RPS6KB1: variants seen among roughly 807,000 people sequenced by gnomAD.
RPS6KB1 encodes ribosomal protein S6 kinase B1.
A neutral mutation model predicts 70.2 loss-of-function variants in RPS6KB1; 12 were observed. The ratio of observed to expected loss-of-function variants is 0.17; its 90% CI spans 0.11 to 0.28. The LOEUF (loss-of-function observed/expected upper bound fraction) is 0.28. Ranked by LOEUF, RPS6KB1 falls within the 10% of genes least tolerant of loss-of-function variation. RPS6KB1 has a pLI of 1.00. For missense variants in RPS6KB1, 270 were observed against 646.6 expected (o/e 0.42, Z 6.32); for synonymous variants, 175 against 211.2 (o/e 0.83, Z 1.49).
intron 12 of RPS6KB1, among the ~76,000 whole-genome samples, chr17:59,936,975 T>G (rs912957609): frequency 7.2e-4 from 110 of 152,124 alleles, no homozygotes; most frequent in Non-Finnish European, 1.1e-3. Context: ...TTCTCCCACC[T>G]CAGCTTCCCA....
rs200758255 is a variant in RPS6KB1 at position 59,937,278 on chromosome 17, C to CT, written c.1119+744dup. On this transcript the variant is annotated intron_variant, in intron 12 of 14. Coordinates refer to ENST00000225577, the MANE Select transcript of RPS6KB1 (RefSeq NM_003161.4). ...AATATTTCAGGTAGTTGGGACTTTC[C>CT]TTTTTTTGGTTTGTTTTATTTTGCT... Among the ~76,000 whole-genome samples, 142 of 152,202 alleles carry CT rather than the reference C, an allele frequency of 9.3e-4. 1 individual carries two copies. Among genetic ancestry groups the CT allele is most frequent in the African/African-American group, 3.1e-3 (127 of 41,538 alleles).
intron 12 of RPS6KB1, among the ~76,000 whole-genome samples, chr17:59,937,802 T>G (rs1038206136): frequency 3.3e-5 from 5 of 152,206 alleles, no homozygotes; most frequent in African/African-American, 9.6e-5. Flanking sequence ...CGAAATTTTT[T>G]GGGGGTGGGT....
rs2045134900 is a variant in RPS6KB1, at chr17:59,950,133, TTTC to T, written c.*3348_*3350del. The T allele has an allele frequency of 6.6e-6, 1 of 152,604 alleles. No homozygotes were observed. The highest frequency in any genetic ancestry group is 2.1e-4 in the South Asian group (1 of 4,834). The allele number at this position is 152,604 out of a possible 1,614,324, so 9.5% of individuals were successfully genotyped here. A position where few individuals can be genotyped will look rare whatever the true frequency, so the allele number is the denominator to read the frequency against. ...TCTGTTGCTGATTAATACAGTACTTTTTCTTGTGTGATTCTTAACATTATAGCA... is the reference window on the plus strand; with the variant it reads ...TCTGTTGCTGATTAATACAGTACTTTTTGTGTGATTCTTAACATTATAGCA... On this transcript the variant is annotated 3_prime_UTR_variant, in exon 15 of 15. Coordinates refer to ENST00000225577, the MANE Select transcript of RPS6KB1 (RefSeq NM_003161.4).
Sources: gnomAD v4.1 joint callset for allele counts (sites outside exome capture counted in the v4.1 genomes callset) on GRCh38, gnomAD v4.1.1 for gene constraint, MANE v1.5 for transcripts, NCBI Gene and HGNC (gene_info 2026-07-23, HGNC 2026-07-21) for gene names.